Variants in BHMT2 observed in about 807,000 individuals in gnomAD.
BHMT2 encodes the protein S-methylmethionine--homocysteine S-methyltransferase BHMT2.
Under a neutral mutation model 39.0 loss-of-function variants are expected in BHMT2, and 28 were observed. The observed-to-expected ratio is 0.72, with a 90% CI of 0.53 to 0.98. The LOEUF (loss-of-function observed/expected upper bound fraction) is 0.98, where lower values mean the gene tolerates loss of function less well. Among genes scored for constraint, BHMT2 ranks in the 50% least tolerant of loss-of-function variants. The probability of loss-of-function intolerance (pLI) is 0.00; values close to 1 mark genes in which losing one functional copy is unlikely to be tolerated. For synonymous variants in BHMT2, 145 were observed against 160.6 expected (o/e 0.90, Z 0.74); for missense variants, 410 against 455.6 (o/e 0.90, Z 0.91).
intron 7 of BHMT2, among the ~76,000 whole-genome samples, chr5:79,085,166 A>G (rs746964145): frequency 9.9e-5 from 15 of 152,236 alleles, no homozygotes; most frequent in Non-Finnish European, 2.2e-4. Context: ...AACATTTACA[A>G]TATTATTATA....
At chr5:79,074,491 G>T (rs371702606) in intron 1 of BHMT2, among the ~76,000 whole-genome samples, 22 of 152,304 alleles carry the variant, frequency 1.4e-4, no homozygotes, top group African/African-American at 4.6e-4. Flanking sequence ...GATCAAATTA[G>T]CTTCCCTCTT....
At position 79,077,562 on chromosome 5, in the gene BHMT2, T is replaced by G. The variant is rs1180801070; in HGVS notation, c.116T>G (p.Val39Gly). The G allele has an allele frequency of 6.2e-7, 1 of 1,613,808 alleles. No homozygotes were observed. Among genetic ancestry groups the G allele is most frequent in the Non-Finnish European group, 8.5e-7 (1 of 1,179,968 alleles). The change falls in exon 2 of 8, where the codon GTG becomes GGG. Residue 39 changes from valine to glycine, a missense_variant. Physicochemically the swap from Val to Gly is moderately radical, Grantham distance 109 (BLOSUM62 -3). Coordinates refer to ENST00000255192, the MANE Select transcript of BHMT2 (RefSeq NM_017614.5). ...FLITLEKRGY[V>G]KAGLWTPEAV... ...ATTACTCTGGAGAAGAGAGGCTATG[T>G]GAAGGCTGGGCTCTGGACTCCAGAG...
At chr5:79,083,448 C>A in intron 6 of BHMT2, 74 bp downstream of exon 6, 1 of 1,514,686 alleles carries the variant, frequency 6.6e-7, no homozygotes, top group Non-Finnish European at 8.8e-7. Flanking sequence ...AAATTGTGGC[C>A]CAGTTTTACA....
rs1755827339 is a variant in BHMT2 at position 79,083,296 on chromosome 5, C to G, written c.703C>G (p.Leu235Val). 3.1e-6 allele frequency: 5 copies of G among 1,613,794 alleles called. No individual in the cohort carries two copies. The African/African-American group carries it at 6.7e-5, about 22-fold the overall frequency. Residue 235 changes from leucine (L) to valine (V), a missense_variant, in exon 6 of 8, where the codon CTC (leucine) becomes GTC (valine). By Grantham distance (32) the Leu-to-Val change is conservative. Coordinates refer to ENST00000255192, the MANE Select transcript of BHMT2 (RefSeq NM_017614.5). ...GLEWAGLKAH[L>V]MVQPLGFHAP... ...TGAGTGGGCAGGGCTGAAAGCGCAC[C>G]TCATGGTGCAGCCTCTGGGGTTCCA... is the stretch of plus-strand genomic sequence containing the variant.
chr5:79,081,283 C>T (rs1249332293), intron 4 of BHMT2, among the ~76,000 whole-genome samples: 1 of 152,176 alleles, frequency 6.6e-6, no homozygotes, highest in Non-Finnish European at 1.5e-5. Context: ...GGTGGCTATC[C>T]AGGCTCGTCT....
intron 4 of BHMT2, chr5:79,082,266 A>G (rs552518243): frequency 6.6e-6 from 1 of 152,538 alleles, no homozygotes; most frequent in East Asian, 1.9e-4. Context: ...ACTGGCAAAG[A>G]CAGGGAGTAG....
chr5:79,083,439 A>C, intron 6 of BHMT2, 65 bp downstream of exon 6: 1 of 1,521,168 alleles, frequency 6.6e-7, no homozygotes, highest in Non-Finnish European at 8.8e-7. Flanking sequence ...GGCTATAATA[A>C]ATTGTGGCCC....
intron 7 of BHMT2, among the ~76,000 whole-genome samples, chr5:79,087,526 A>G: frequency 6.6e-6 from 1 of 152,108 alleles, no homozygotes; most frequent in Non-Finnish European, 1.5e-5. Flanking sequence ...CTGACTCCCA[A>G]ACCTACTGAT....
In BHMT2 at chr5:79,088,662, AC is replaced by A; in HGVS notation, c.*90del. 1 of 1,011,284 alleles carries A rather than the reference AC, an allele frequency of 9.9e-7. No homozygotes were observed. Among genetic ancestry groups the A allele is most frequent in the Non-Finnish European group, 1.5e-6 (1 of 662,384 alleles). The allele number at this position is 1,011,284 out of a possible 1,614,324, so 62.6% of individuals were successfully genotyped here. A position where few individuals can be genotyped will look rare whatever the true frequency, so the allele number is the denominator to read the frequency against. ...GGAACCGTTCCTCACCTTCATCCTC[AC>A]CATGCCCTGCTATCTCCAGCTGCTG... is the stretch of plus-strand genomic sequence containing the variant. On this transcript the variant is annotated 3_prime_UTR_variant, in exon 8 of 8. Transcript: ENST00000255192.
chr5:79,080,560 T>C lies in BHMT2; in HGVS notation c.259-127T>C, dbSNP rs1479356322. ...GAGATTGTACCCAACTCTGCTGGTC[T>C]TTTCTGCTTGCATTGAAGAGAGTGG... On this transcript the variant is annotated intron_variant, in intron 3 of 7. Coordinates refer to ENST00000255192, the MANE Select transcript of BHMT2 (RefSeq NM_017614.5). 5.8e-5 allele frequency: 45 copies of C among 770,042 alleles called. No homozygotes were observed. The Admixed American group carries it at 1.3e-3, about 22-fold the overall frequency. The allele number at this position is 770,042 out of a possible 1,614,324, so 47.7% of individuals were successfully genotyped here. A position where few individuals can be genotyped will look rare whatever the true frequency, so the allele number is the denominator to read the frequency against.
intron 6 of BHMT2, 89 bp from the exon 7 acceptor site, chr5:79,083,538 GT>G (rs1755832103): frequency 1.3e-6 from 2 of 1,519,468 alleles, no homozygotes; most frequent in Non-Finnish European, 1.8e-6. Context: ...AAAGTTTATA[GT>G]TTTTTTAATT....
At chr5:79,076,232 A>G (rs1416930310) in intron 1 of BHMT2, among the ~76,000 whole-genome samples, 1 of 152,150 alleles carries the variant, frequency 6.6e-6, no homozygotes, top group Non-Finnish European at 1.5e-5. Context: ...CCCCTGGCTG[A>G]ATTCCACTTC....
At chr5:79,073,082 A>ACCT (rs1365585003) in intron 1 of BHMT2, among the ~76,000 whole-genome samples, 1 of 148,866 alleles carries the variant, frequency 6.7e-6, no homozygotes, top group Non-Finnish European at 1.5e-5. Flanking sequence ...TCCTGCCTCC[A>ACCT]CCTCACAAGT....
chr5:79,074,156 G>T (rs1206762513), intron 1 of BHMT2, among the ~76,000 whole-genome samples: 2 of 152,152 alleles, frequency 1.3e-5, no homozygotes, highest in Non-Finnish European at 2.9e-5. Context: ...TTTTCTAGGG[G>T]TCATTTCTGG....
At chr5:79,073,122 C>G (rs561551046) in intron 1 of BHMT2, among the ~76,000 whole-genome samples, 5 of 152,186 alleles carry the variant, frequency 3.3e-5, no homozygotes, top group South Asian at 4.1e-4. Context: ...TGCCACCATG[C>G]CCAGTTAATT....
At position 79,071,118 on chromosome 5, in the gene BHMT2, A is replaced by C. The variant is rs1755559940; in HGVS notation, c.33+1303A>C. The C allele has an allele frequency of 2.6e-5, 4 of 152,326 alleles. No homozygotes were observed. The South Asian group carries it at 8.3e-4, about 32-fold the overall frequency. The allele number at this position is 152,326 out of a possible 1,614,324, so 9.4% of individuals were successfully genotyped here. A position where few individuals can be genotyped will look rare whatever the true frequency, so the allele number is the denominator to read the frequency against. On this transcript the variant is annotated intron_variant, in intron 1 of 7. Transcript: ENST00000255192. ...TGTCTTTGGGGCCTCTACTGTTACAACACCAAGATTATCACACACTAATCC... is the reference window on the plus strand; with the variant it reads ...TGTCTTTGGGGCCTCTACTGTTACACCACCAAGATTATCACACACTAATCC...
At chr5:79,077,959 ACT>A (rs746504415) in intron 2 of BHMT2, 8 of 172,074 alleles carry the variant, frequency 4.6e-5, no homozygotes, top group Non-Finnish European at 7.4e-5. Context: ...CACACAACAC[ACT>A]CTCACACACA....
chr5:79,071,320 T>C (rs754557380), intron 1 of BHMT2: 5 of 150,458 alleles, frequency 3.3e-5, no homozygotes, highest in Non-Finnish European at 7.4e-5. Context: ...GGGAAGTTAT[T>C]TTAGACAGAC....
Position 79,069,774 on chromosome 5 carries a change from C to T in BHMT2, c.-9C>T. On this transcript the variant is annotated 5_prime_UTR_variant, in exon 1 of 8. Coordinates refer to ENST00000255192, the MANE Select transcript of BHMT2 (RefSeq NM_017614.5). The stretch of plus-strand genomic sequence containing the variant: ...CCCGGGAACCCGGCGCCCACAGAGC[C>T]GCGGCACCATGGCACCTGCTGGACG... 7 of 1,424,036 alleles carry T rather than the reference C, an allele frequency of 4.9e-6. No individual in the cohort carries two copies. Among genetic ancestry groups the T allele is most frequent in the East Asian group, 3.0e-5 (1 of 33,076 alleles). 88.2% of individuals were successfully genotyped at this position (1,424,036 alleles called of 1,614,324 possible).
Sources: allele counts gnomAD v4.1 joint callset (sites outside exome capture counted in the v4.1 genomes callset), GRCh38; gene constraint gnomAD v4.1.1; transcripts MANE v1.5; gene names NCBI Gene and HGNC (gene_info 2026-07-23, HGNC 2026-07-21).